The following SPAG16 variants were observed in gnomAD, a reference collection of about 807,000 sequenced individuals.
SPAG16 encodes sperm associated antigen 16, also known as sperm-associated antigen 16 protein.
SPAG16 carries 86 observed loss-of-function variants against 80.4 expected under a neutral mutation model. That is an observed-to-expected ratio of 1.07 (90% CI 0.90 to 1.28). The LOEUF is 1.28. SPAG16 is among the 50% of genes most tolerant of loss of function. SPAG16 has a pLI of 0.00. For missense variants in SPAG16, 870 were observed against 765.3 expected (o/e 1.14, Z -1.61); for synonymous variants, 294 against 265.9 (o/e 1.11, Z -1.03).
chr2:213,893,882 A>C (rs997927791), intron 11 of SPAG16, among the ~76,000 whole-genome samples: 4 of 152,172 alleles, frequency 2.6e-5, no homozygotes, highest in African/African-American at 7.2e-5. Flanking sequence ...ACGAAATGGC[A>C]GTAGTAAGTC....
At chr2:213,909,751 T>A (rs2077582294) in intron 11 of SPAG16, among the ~76,000 whole-genome samples, 1 of 152,200 alleles carries the variant, frequency 6.6e-6, no homozygotes, top group African/African-American at 2.4e-5. Flanking sequence ...GACTTAAACG[T>A]TAGACCAAGA....
At chr2:213,708,456 CG>C (rs2065848033) in intron 10 of SPAG16, among the ~76,000 whole-genome samples, 1 of 152,066 alleles carries the variant, frequency 6.6e-6, no homozygotes, top group South Asian at 2.1e-4. Context: ...AATCCCAGCA[CG>C]TTAGGAAGTC....
rs559843552 is a variant in SPAG16, at chr2:213,646,549, T to C, written c.1070+156459T>C. Among the ~76,000 whole-genome samples, 6 of 152,352 alleles carry C rather than the reference T, an allele frequency of 3.9e-5. No homozygotes were observed. The South Asian group carries it at 6.2e-4, about 16-fold the overall frequency. Reference sequence around the variant, plus strand: ...ACTTAATAGTGATTAGAGAATTACATATCATACCATGGTGAGTTCTCTTTT... The same window carrying C: ...ACTTAATAGTGATTAGAGAATTACACATCATACCATGGTGAGTTCTCTTTT... On this transcript the variant is annotated intron_variant, in intron 10 of 15. Coordinates refer to ENST00000331683, the MANE Select transcript of SPAG16 (RefSeq NM_024532.5).
At chr2:213,742,467 AC>A in intron 10 of SPAG16, among the ~76,000 whole-genome samples, 1 of 151,690 alleles carries the variant, frequency 6.6e-6, no homozygotes, top group Non-Finnish European at 1.5e-5. Flanking sequence ...TATTTACCAT[AC>A]CCACTGATCA....
At chr2:214,084,364 G>A (rs953906321) in intron 13 of SPAG16, among the ~76,000 whole-genome samples, 2 of 151,608 alleles carry the variant, frequency 1.3e-5, no homozygotes, top group African/African-American at 4.8e-5. Flanking sequence ...TGACTTTTTT[G>A]TTTTCCTCCC....
chr2:213,995,991 C>A (rs578063539), intron 12 of SPAG16, among the ~76,000 whole-genome samples: 1 of 152,314 alleles, frequency 6.6e-6, no homozygotes, highest in African/African-American at 2.4e-5. Flanking sequence ...TTCCCTAAAG[C>A]CTTCTCTTCT....
intron 15 of SPAG16, among the ~76,000 whole-genome samples, chr2:214,406,856 T>C (rs921041866): frequency 6.6e-6 from 1 of 152,192 alleles, no homozygotes; most frequent in African/African-American, 2.4e-5. Context: ...AACATGAAAA[T>C]ATTCTGAAAG....
At chr2:213,815,468 A>T (rs2072468748) in intron 10 of SPAG16, among the ~76,000 whole-genome samples, 1 of 152,198 alleles carries the variant, frequency 6.6e-6, no homozygotes, top group South Asian at 2.1e-4. Flanking sequence ...TTGTTCAGGT[A>T]AATTACATCT....
At chr2:213,800,571 C>T (rs2071335093) in intron 10 of SPAG16, among the ~76,000 whole-genome samples, 1 of 152,094 alleles carries the variant, frequency 6.6e-6, no homozygotes, top group Non-Finnish European at 1.5e-5. Context: ...GACAGGGACT[C>T]ACTAAGTTGC....
intron 9 of SPAG16, among the ~76,000 whole-genome samples, chr2:213,402,459 G>T (rs935216892): frequency 6.6e-6 from 1 of 151,510 alleles, no homozygotes; most frequent in Non-Finnish European, 1.5e-5. Flanking sequence ...AAGTTTTAGG[G>T]TACATGTGCA....
chr2:213,675,292 G>T (rs1215836000), intron 10 of SPAG16, among the ~76,000 whole-genome samples: 1 of 152,094 alleles, frequency 6.6e-6, no homozygotes, highest in African/African-American at 2.4e-5. Flanking sequence ...TTAGCCCTTT[G>T]TCAGATGAGT....
chr2:213,337,488 G>A (rs188796777), intron 5 of SPAG16, among the ~76,000 whole-genome samples: 101 of 152,234 alleles, frequency 6.6e-4, no homozygotes, highest in Non-Finnish European at 5.7e-4. Flanking sequence ...AAACATTACA[G>A]GAGCTGTTTA....
chr2:214,351,107 G>A (rs1003564587), intron 15 of SPAG16, among the ~76,000 whole-genome samples: 2 of 152,208 alleles, frequency 1.3e-5, no homozygotes, highest in East Asian at 3.9e-4. Context: ...CAATACACTA[G>A]AATAGATTTT....
At chr2:213,705,603 A>C (rs1364920468) in intron 10 of SPAG16, among the ~76,000 whole-genome samples, 1 of 138,636 alleles carries the variant, frequency 7.2e-6, no homozygotes, top group African/African-American at 2.5e-5. Flanking sequence ...AACATTATTA[A>C]GAAAATTTTT....
At chr2:213,369,776 C>G (rs1196072635) in intron 8 of SPAG16, among the ~76,000 whole-genome samples, 2 of 152,016 alleles carry the variant, frequency 1.3e-5, no homozygotes, top group Non-Finnish European at 2.9e-5. Flanking sequence ...GTGGAAGGTA[C>G]AGTGATTTTC....
intron 15 of SPAG16, among the ~76,000 whole-genome samples, chr2:214,277,456 A>C (rs530793489): frequency 7.2e-5 from 11 of 152,192 alleles, no homozygotes; most frequent in African/African-American, 2.6e-4. Context: ...TTAGTGACCT[A>C]CCAATGGGGT....
intron 7 of SPAG16, among the ~76,000 whole-genome samples, chr2:213,358,593 G>GT (rs1286696478): frequency 6.6e-6 from 1 of 152,108 alleles, no homozygotes; most frequent in East Asian, 1.9e-4. Context: ...TCGTGCTGTG[G>GT]TTTTCAGCTC....
intron 10 of SPAG16, among the ~76,000 whole-genome samples, chr2:213,812,724 C>T (rs2072250101): frequency 6.6e-6 from 1 of 152,050 alleles, no homozygotes. Flanking sequence ...TGGGTTTATT[C>T]ATTCATACAA....
intron 11 of SPAG16, among the ~76,000 whole-genome samples, chr2:213,881,470 A>C (rs2076342702): frequency 6.6e-6 from 1 of 152,264 alleles, no homozygotes; most frequent in South Asian, 2.1e-4. Context: ...CTGTTTTTAT[A>C]CTGCTATAAA....
Sources: gnomAD v4.1 joint callset for allele counts (sites outside exome capture counted in the v4.1 genomes callset) on GRCh38, gnomAD v4.1.1 for gene constraint, MANE v1.5 for transcripts, NCBI Gene and HGNC (gene_info 2026-07-23, HGNC 2026-07-21) for gene names.